The following NEBL variants were observed in gnomAD, a reference collection of about 807,000 sequenced individuals.
The protein encoded by NEBL is LIM and SH3 protein 2.
NEBL carries 122 observed loss-of-function variants against 140.2 expected under a neutral mutation model. That is an observed-to-expected ratio of 0.87 (90% CI 0.75 to 1.01). The LOEUF (loss-of-function observed/expected upper bound fraction) is 1.01. NEBL is among the 50% of genes least tolerant of loss of function. NEBL has a pLI of 0.00. For synonymous variants in NEBL, 436 were observed against 398.9 expected, an observed-to-expected ratio of 1.09 and a Z score of -1.11; for missense variants, 1,365 against 1,231.3, an observed-to-expected ratio of 1.11 and a Z score of -1.62.
chr10:20,813,473 G>A (rs1838375862), intron 23 of NEBL, among the ~76,000 whole-genome samples: 1 of 152,030 alleles, frequency 6.6e-6, no homozygotes, highest in Admixed American at 6.6e-5. Flanking sequence ...AGATAGTTGT[G>A]TAACTGTAAA....
chr10:20,926,125 A>T (rs1833903073), intron 4 of NEBL, among the ~76,000 whole-genome samples: 1 of 152,224 alleles, frequency 6.6e-6, no homozygotes, highest in South Asian at 2.1e-4. Flanking sequence ...TCTTCATCAG[A>T]TGCACAAAAA....
intron 2 of NEBL, among the ~76,000 whole-genome samples, chr10:21,057,918 C>T (rs890309408): frequency 5.9e-5 from 9 of 151,976 alleles, no homozygotes; most frequent in South Asian, 2.1e-4. Flanking sequence ...TTTGCATTTC[C>T]GAATTTCATC....
At chr10:20,904,066 AT>A (rs1209163009) in intron 4 of NEBL, among the ~76,000 whole-genome samples, 3 of 152,092 alleles carry the variant, frequency 2.0e-5, no homozygotes, top group African/African-American at 7.3e-5. Flanking sequence ...ATAAAATAGA[AT>A]AATTATAACA....
intron 2 of NEBL, among the ~76,000 whole-genome samples, chr10:21,022,068 A>G (rs960110248): frequency 2.6e-5 from 4 of 152,108 alleles, no homozygotes; most frequent in Non-Finnish European, 4.4e-5. Context: ...GTGCAGGTAA[A>G]GACTCAAACA....
intron 2 of NEBL, among the ~76,000 whole-genome samples, chr10:21,058,293 T>G (rs541417926): frequency 3.3e-5 from 5 of 152,334 alleles, no homozygotes; most frequent in South Asian, 4.1e-4. Context: ...AGCATAGATA[T>G]AATCCATTCT....
intron 1 of NEBL, among the ~76,000 whole-genome samples, chr10:21,271,730 T>C (rs915660563): frequency 4.6e-5 from 7 of 151,688 alleles, no homozygotes; most frequent in Non-Finnish European, 7.4e-5. Flanking sequence ...TTCACCATGA[T>C]AGCCAGGCTG....
intron 3 of NEBL, among the ~76,000 whole-genome samples, chr10:21,016,022 C>T (rs1275997783): frequency 6.6e-6 from 1 of 152,236 alleles, no homozygotes; most frequent in Non-Finnish European, 1.5e-5. Flanking sequence ...TTGCTGATTC[C>T]ACCAGAAGCA....
intron 2 of NEBL, among the ~76,000 whole-genome samples, chr10:21,077,535 A>C (rs1836157341): frequency 6.6e-6 from 1 of 152,114 alleles, no homozygotes; most frequent in Non-Finnish European, 1.5e-5. Flanking sequence ...TGAACCTGGG[A>C]GGTGGAGCTT....
In NEBL at chr10:20,823,271, T is replaced by C. The variant is rs762566156; in HGVS notation, c.1899A>G (p.Ala633=). The change falls in exon 19 of 28, where the codon GCA becomes GCG. Residue 633 remains alanine (A), a synonymous_variant. Coordinates refer to ENST00000377122, the MANE Select transcript of NEBL (RefSeq NM_006393.3). ...SVKYKEEIKH[A]TAISDPPELK... is the part of the protein sequence containing the mutation. ...GTTCTGGAGGATCAGAAATGGCTGT[T>C]GCATGTTTAATCTCTTCTTTGTATT... The C allele has an allele frequency of 2.5e-6, 4 of 1,609,156 alleles. No homozygotes were observed. The highest frequency in any genetic ancestry group is 2.2e-5 in the South Asian group (2 of 90,824).
intron 2 of NEBL, chr10:21,029,202 T>A: frequency 7.0e-7 from 1 of 1,427,514 alleles, no homozygotes; most frequent in Non-Finnish European, 9.9e-7. Context: ...CGCCTCCAAT[T>A]GACCATTCCA....
intron 2 of NEBL, among the ~76,000 whole-genome samples, chr10:20,893,625 G>A (rs1225608882): frequency 1.3e-5 from 2 of 152,174 alleles, no homozygotes; most frequent in East Asian, 3.9e-4. Flanking sequence ...AGGCTTCCTA[G>A]GGCTGATCTC....
chr10:21,272,156 G>A (rs769846759), intron 1 of NEBL, among the ~76,000 whole-genome samples: 5 of 124,092 alleles, frequency 4.0e-5, no homozygotes, highest in Admixed American at 8.4e-5. Context: ...TAGTAGAGAC[G>A]GGGTTTCACC....
At chr10:21,188,426 C>A (rs1022524636) in intron 3 of NEBL, among the ~76,000 whole-genome samples, 1 of 152,158 alleles carries the variant, frequency 6.6e-6, no homozygotes, top group Non-Finnish European at 1.5e-5. Context: ...TCATTTCTAG[C>A]TAGACTTGTC....
At chr10:20,862,117 G>A (rs1843762400) in intron 7 of NEBL, among the ~76,000 whole-genome samples, 1 of 152,154 alleles carries the variant, frequency 6.6e-6, no homozygotes. Context: ...TCTACTAAAT[G>A]TGTATCACTT....
chr10:20,842,732 C>T (rs1411566544), intron 12 of NEBL, among the ~76,000 whole-genome samples: 7 of 151,762 alleles, frequency 4.6e-5, no homozygotes, highest in Middle Eastern at 3.2e-3. Context: ...TTTTTCGTGG[C>T]GAGAACATTT....
At chr10:20,876,979 G>A (rs1436800683) in intron 5 of NEBL, among the ~76,000 whole-genome samples, 1 of 152,124 alleles carries the variant, frequency 6.6e-6, no homozygotes, top group Non-Finnish European at 1.5e-5. Context: ...TAATAAGATA[G>A]GTTCAGGAAA....
At chr10:21,129,434 A>G (rs943747917) in intron 2 of NEBL, among the ~76,000 whole-genome samples, 3 of 152,084 alleles carry the variant, frequency 2.0e-5, no homozygotes, top group Admixed American at 6.6e-5. Context: ...TTGACCTTAC[A>G]GAATTTTGTT....
chr10:21,086,852 CA>C (rs1305081483), intron 2 of NEBL, among the ~76,000 whole-genome samples: 1 of 152,136 alleles, frequency 6.6e-6, no homozygotes, highest in Non-Finnish European at 1.5e-5. Context: ...AGACAGATAC[CA>C]GTTTGCTGAA....
chr10:20,995,669 C>T (rs1032958696), intron 3 of NEBL, among the ~76,000 whole-genome samples: 1 of 152,168 alleles, frequency 6.6e-6, no homozygotes, highest in African/African-American at 2.4e-5. Context: ...CTAATAAACC[C>T]TCCACATCAA....
Sources: gnomAD v4.1 joint callset for allele counts (sites outside exome capture counted in the v4.1 genomes callset) on GRCh38, gnomAD v4.1.1 for gene constraint, MANE v1.5 for transcripts, NCBI Gene and HGNC (gene_info 2026-07-23, HGNC 2026-07-21) for gene names.